Variants in EFCAB6 observed in about 807,000 individuals in gnomAD.
EFCAB6 encodes the protein EF-hand calcium binding domain 6, also known as EF-hand calcium-binding domain-containing protein 6.
EFCAB6 carries 156 observed loss-of-function variants against 169.8 expected under a neutral mutation model. The observed-to-expected ratio is 0.92, with a 90% CI of 0.81 to 1.05. The LOEUF is 1.05. Ranked by LOEUF, EFCAB6 falls within the 50% of genes least tolerant of loss-of-function variation. The probability of loss-of-function intolerance (pLI) is 0.00; values close to 1 mark genes in which losing one functional copy is unlikely to be tolerated. For synonymous variants in EFCAB6, 698 were observed against 676.4 expected (o/e 1.03, Z -0.50); for missense variants, 1,800 against 1,829.1 (o/e 0.98, Z 0.29).
At chr22:43,684,239 CATG>C (rs1000318986) in intron 11 of EFCAB6, among the ~76,000 whole-genome samples, 7 of 152,334 alleles carry the variant, frequency 4.6e-5, no homozygotes, top group Admixed American at 4.6e-4. Flanking sequence ...GTCTCATCCA[CATG>C]ATAACTGAGG....
intron 10 of EFCAB6, among the ~76,000 whole-genome samples, chr22:43,705,955 GA>G (rs934432147): frequency 9.9e-5 from 15 of 152,044 alleles, no homozygotes; most frequent in African/African-American, 3.1e-4. Context: ...TTGGCTTTTT[GA>G]AAAGATAAAC....
intron 26 of EFCAB6, among the ~76,000 whole-genome samples, chr22:43,568,948 A>G (rs2147189526): frequency 6.6e-6 from 1 of 152,284 alleles, no homozygotes; most frequent in Non-Finnish European, 1.5e-5. Flanking sequence ...GGCCCATGTG[A>G]CCACCCTTCA....
At chr22:43,779,288 G>C (rs1025329094) in intron 3 of EFCAB6, among the ~76,000 whole-genome samples, 21 of 152,144 alleles carry the variant, frequency 1.4e-4, no homozygotes, top group Non-Finnish European at 8.8e-5. Context: ...AGGAAACAGT[G>C]TGTCTAATAT....
intron 6 of EFCAB6, among the ~76,000 whole-genome samples, chr22:43,745,106 G>C (rs1052459873): frequency 6.6e-6 from 1 of 152,196 alleles, no homozygotes; most frequent in African/African-American, 2.4e-5. Flanking sequence ...GTACCCCACT[G>C]AGTTCAGATG....
intron 8 of EFCAB6, among the ~76,000 whole-genome samples, chr22:43,725,493 C>T (rs1248978435): frequency 6.6e-6 from 1 of 152,220 alleles, no homozygotes; most frequent in African/African-American, 2.4e-5. Flanking sequence ...TAATCCCCTT[C>T]ACAGGGGCAG....
At chr22:43,808,622 G>A (rs2063000815) in intron 2 of EFCAB6, among the ~76,000 whole-genome samples, 1 of 152,078 alleles carries the variant, frequency 6.6e-6, no homozygotes. Context: ...AGGATATACA[G>A]AAAGATAAAT....
At chr22:43,642,567 T>C (rs747930449) in intron 17 of EFCAB6, among the ~76,000 whole-genome samples, 1 of 152,090 alleles carries the variant, frequency 6.6e-6, no homozygotes, top group Non-Finnish European at 1.5e-5. Context: ...GTCATCAAGG[T>C]TATCTGATCA....
chr22:43,780,963 T>G (rs1424271817), intron 3 of EFCAB6, among the ~76,000 whole-genome samples: 2 of 152,234 alleles, frequency 1.3e-5, no homozygotes, highest in African/African-American at 4.8e-5. Flanking sequence ...GCTTTGTAAG[T>G]GCGTCTTACG....
rs1262196012 is a variant in EFCAB6, at chr22:43,572,251, A to T, written c.3420+4046T>A. On this transcript the variant is annotated intron_variant, in intron 26 of 31. Transcript: ENST00000262726. The surrounding 1 kb of genome is among the most constrained non-coding windows in gnomAD (Gnocchi z 4.0). ...TGATGCGAACTGGGCAGAACTAACC[A>T]ATGTTGCGGGAGGCAAGCTGACAGC... Among the ~76,000 whole-genome samples the T allele has an allele frequency of 6.6e-6, 1 of 152,146 alleles. No individual in the cohort carries two copies. Among genetic ancestry groups the T allele is most frequent in the African/African-American group, 2.4e-5 (1 of 41,432 alleles).
At chr22:43,779,073 T>C (rs1044288338) in intron 3 of EFCAB6, among the ~76,000 whole-genome samples, 2 of 152,128 alleles carry the variant, frequency 1.3e-5, no homozygotes, top group Admixed American at 6.5e-5. Flanking sequence ...GGTGAACATA[T>C]AGGGAATTTC....
At chr22:43,533,044 A>G (rs1055961872) in intron 30 of EFCAB6, among the ~76,000 whole-genome samples, 5 of 152,268 alleles carry the variant, frequency 3.3e-5, no homozygotes, top group African/African-American at 9.6e-5. Context: ...AGCTGACGCC[A>G]TGATGGCACT....
At chr22:43,782,461 G>T in intron 2 of EFCAB6, 136 bp from the exon 3 acceptor site, 4 of 718,238 alleles carry the variant, frequency 5.6e-6, no homozygotes, top group East Asian at 5.4e-5. Flanking sequence ...CTGCTTTGCT[G>T]ATGTTTCAGA....
chr22:43,586,994 T>C (rs914673904), intron 24 of EFCAB6, among the ~76,000 whole-genome samples: 1 of 152,066 alleles, frequency 6.6e-6, no homozygotes, highest in Non-Finnish European at 1.5e-5. Context: ...ATCCAAGAAA[T>C]CACTTCCTAA....
chr22:43,796,763 C>T (rs1445236327), intron 2 of EFCAB6, among the ~76,000 whole-genome samples: 1 of 152,242 alleles, frequency 6.6e-6, no homozygotes, highest in Non-Finnish European at 1.5e-5. Flanking sequence ...AGCAAGTCCT[C>T]AGCTCCTGCA....
chr22:43,638,491 G>A (rs1006021360), intron 17 of EFCAB6, among the ~76,000 whole-genome samples: 2 of 152,140 alleles, frequency 1.3e-5, no homozygotes, highest in Non-Finnish European at 2.9e-5. Flanking sequence ...ACATTTCAGG[G>A]AACCGTTGCT....
chr22:43,699,479 C>A (rs1238504655), intron 10 of EFCAB6, among the ~76,000 whole-genome samples: 1 of 152,200 alleles, frequency 6.6e-6, no homozygotes, highest in Non-Finnish European at 1.5e-5. Context: ...CTTACTTGAA[C>A]CTGCCTTCGC....
At chr22:43,556,635 T>C (rs1315930066) in intron 26 of EFCAB6, among the ~76,000 whole-genome samples, 1 of 152,234 alleles carries the variant, frequency 6.6e-6, no homozygotes, top group East Asian at 1.9e-4. Flanking sequence ...TATTAGATGT[T>C]ACTGTGTTTT....
intron 2 of EFCAB6, among the ~76,000 whole-genome samples, chr22:43,784,674 T>C (rs201393679): frequency 0.018 from 872 of 49,594 alleles, 36 homozygotes; most frequent in East Asian, 0.078. Flanking sequence ...CATATACATA[T>C]ATACACACAC....
At chr22:43,558,563 G>A (rs181594149) in intron 26 of EFCAB6, among the ~76,000 whole-genome samples, 12 of 152,084 alleles carry the variant, frequency 7.9e-5, no homozygotes, top group Non-Finnish European at 1.6e-4. Flanking sequence ...CAGAGAAATC[G>A]TTCATGAAAG....
Sources: allele counts gnomAD v4.1 joint callset (sites outside exome capture counted in the v4.1 genomes callset), GRCh38; gene constraint gnomAD v4.1.1; non-coding constraint Gnocchi (gnomAD v3.1); transcripts MANE v1.5; gene names NCBI Gene and HGNC (gene_info 2026-07-23, HGNC 2026-07-21).